Variants in MAP3K13 observed in about 807,000 individuals in gnomAD.
The protein encoded by MAP3K13 is leucine zipper-bearing kinase.
Under a neutral mutation model 104.0 loss-of-function variants are expected in MAP3K13, and 52 were observed. That is an observed-to-expected ratio of 0.50 (90% CI 0.40 to 0.63). The LOEUF (loss-of-function observed/expected upper bound fraction) is 0.63, where lower values mean the gene tolerates loss of function less well. Ranked by LOEUF, MAP3K13 falls within the 20% of genes least tolerant of loss-of-function variation. The probability of loss-of-function intolerance (pLI) is 0.00; values close to 1 mark genes in which losing one functional copy is unlikely to be tolerated. For synonymous variants in MAP3K13, 394 were observed against 442.2 expected, an observed-to-expected ratio of 0.89 and a Z score of 1.37; for missense variants, 914 against 1,218.5, an observed-to-expected ratio of 0.75 and a Z score of 3.72.
At chr3:185,453,688 G>C (rs1007727856) in intron 7 of MAP3K13, among the ~76,000 whole-genome samples, 1 of 150,654 alleles carries the variant, frequency 6.6e-6, no homozygotes, top group South Asian at 2.1e-4. Context: ...AGAATCACTT[G>C]AACCTGGGAG....
In MAP3K13 at chr3:185,447,964, G is replaced by A. The variant is rs375493361; in HGVS notation, c.1010+17G>A. The stretch of plus-strand genomic sequence containing the variant: ...TGATATATGGTGAGTGGCGCCACCA[G>A]TTGTGCCAACTAAAAAGCCTTTTCC... On this transcript the variant is annotated intron_variant, in intron 5 of 13. Transcript: ENST00000265026. The A allele has an allele frequency of 2.5e-6, 4 of 1,595,014 alleles. No homozygotes were observed. In the African/African-American group the frequency reaches 4.0e-5, roughly 16 times the overall value.
At chr3:185,466,081 G>T (rs990905889) in intron 9 of MAP3K13, among the ~76,000 whole-genome samples, 3 of 152,240 alleles carry the variant, frequency 2.0e-5, no homozygotes, top group Non-Finnish European at 4.4e-5. Flanking sequence ...ACATGCACTT[G>T]GCAGTCATTT....
intron 1 of MAP3K13, among the ~76,000 whole-genome samples, chr3:185,425,017 C>A (rs1452117670): frequency 6.6e-6 from 1 of 152,078 alleles, no homozygotes; most frequent in Non-Finnish European, 1.5e-5. Flanking sequence ...TCTGTAATTT[C>A]TGTATTTTTT....
chr3:185,446,958 A>G (rs960604428), intron 4 of MAP3K13, among the ~76,000 whole-genome samples: 8 of 152,170 alleles, frequency 5.3e-5, no homozygotes, highest in Admixed American at 5.2e-4. Flanking sequence ...GAAGCAAGAT[A>G]TTTTCAGAAA....
At position 185,307,550 on chromosome 3, in the gene MAP3K13, C is replaced by T. The variant is rs745777106; in HGVS notation, c.-86+21907C>T. Among the ~76,000 whole-genome samples, 82 of 133,796 alleles carry T rather than the reference C, an allele frequency of 6.1e-4. 3 individuals are homozygous for T. Among genetic ancestry groups the T allele is most frequent in the Non-Finnish European group, 8.4e-4 (53 of 63,378 alleles). 87.8% of individuals were successfully genotyped at this position (133,796 alleles called of 152,430 possible). On this transcript the variant is annotated intron_variant, in intron 2 of 14. Coordinates refer to the MAP3K13 transcript ENST00000424227. ...TTCCATTTGGTGCACCACCCCCTCC[C>T]CCGCCACCCCGAGATGCAGTCTTAC...
intron 3 of MAP3K13, among the ~76,000 whole-genome samples, chr3:185,440,740 C>T (rs1715278362): frequency 6.6e-6 from 1 of 152,114 alleles, no homozygotes; most frequent in Non-Finnish European, 1.5e-5. Context: ...AAGCCATGAC[C>T]TCAAAATTCT....
upstream of MAP3K13, among the ~76,000 whole-genome samples, chr3:185,362,624 T>C (rs1475280963): frequency 6.6e-6 from 1 of 152,228 alleles, no homozygotes; most frequent in East Asian, 1.9e-4. Context: ...ATTGTTCCCA[T>C]GCGTTCTTCC....
At chr3:185,458,948 C>T (rs765519796) in intron 7 of MAP3K13, among the ~76,000 whole-genome samples, 8 of 152,202 alleles carry the variant, frequency 5.3e-5, no homozygotes, top group Non-Finnish European at 1.0e-4. Flanking sequence ...TCCAAATAGG[C>T]AATTACTGTT....
intron 2 of MAP3K13, among the ~76,000 whole-genome samples, chr3:185,350,782 G>C (rs1443467694): frequency 6.6e-6 from 1 of 152,202 alleles, no homozygotes; most frequent in Non-Finnish European, 1.5e-5. Flanking sequence ...ATGTAAATTA[G>C]TTCAACCATT....
chr3:185,316,307 A>G (rs188583067), intron 2 of MAP3K13, among the ~76,000 whole-genome samples: 25 of 152,216 alleles, frequency 1.6e-4, no homozygotes, highest in Non-Finnish European at 3.2e-4. Context: ...CAAATTCTTT[A>G]TGTTAAATAT....
At chr3:185,293,830 C>A (rs528712195) in intron 2 of MAP3K13, among the ~76,000 whole-genome samples, 1 of 152,170 alleles carries the variant, frequency 6.6e-6, no homozygotes, top group African/African-American at 2.4e-5. Context: ...CTACTCGTGA[C>A]AAAGAATTTA....
chr3:185,436,757 C>T (rs1382920929), intron 2 of MAP3K13, among the ~76,000 whole-genome samples: 4 of 151,966 alleles, frequency 2.6e-5, no homozygotes, highest in Non-Finnish European at 5.9e-5. Context: ...AATCCCAACA[C>T]TTTGGGAGGC....
At chr3:185,333,723 A>G (rs1205517314) in intron 2 of MAP3K13, among the ~76,000 whole-genome samples, 1 of 152,118 alleles carries the variant, frequency 6.6e-6, no homozygotes. Flanking sequence ...GCAAGACTTC[A>G]TATCCATTTA....
chr3:185,316,993 AAAAT>A (rs1418465163), intron 2 of MAP3K13, among the ~76,000 whole-genome samples: 1 of 152,216 alleles, frequency 6.6e-6, no homozygotes. Context: ...CCACTGTTAT[AAAAT>A]AGTGTATTGA....
At chr3:185,382,120 A>G (rs1275734657) in intron 1 of MAP3K13, among the ~76,000 whole-genome samples, 1 of 152,234 alleles carries the variant, frequency 6.6e-6, no homozygotes, top group Non-Finnish European at 1.5e-5. Context: ...GAAACTGCAG[A>G]TAGTATCGAA....
At chr3:185,400,910 T>G (rs1395958043) in intron 1 of MAP3K13, among the ~76,000 whole-genome samples, 74 of 148,850 alleles carry the variant, frequency 5.0e-4, no homozygotes, top group South Asian at 2.9e-3. Flanking sequence ...TGTTTGTTTT[T>G]TTTTTTTTTT....
At chr3:185,356,181 A>G (rs1723344639) in intron 2 of MAP3K13, among the ~76,000 whole-genome samples, 2 of 150,492 alleles carry the variant, frequency 1.3e-5, no homozygotes, top group South Asian at 2.1e-4. Context: ...ACCATGTGAG[A>G]GTTAGAAGAC....
intron 2 of MAP3K13, chr3:185,285,760 C>A: frequency 1.3e-6 from 1 of 764,108 alleles, no homozygotes. Flanking sequence ...ATGTTTTAAT[C>A]AGGACCTTCC....
chr3:185,427,067 T>C (rs1365049088), intron 1 of MAP3K13, among the ~76,000 whole-genome samples: 1 of 152,140 alleles, frequency 6.6e-6, no homozygotes, highest in Non-Finnish European at 1.5e-5. Flanking sequence ...AAGAACATAC[T>C]TTGGGCTGGG....
Sources: allele counts gnomAD v4.1 joint callset (sites outside exome capture counted in the v4.1 genomes callset), GRCh38; gene constraint gnomAD v4.1.1; transcripts MANE v1.5; gene names NCBI Gene and HGNC (gene_info 2026-07-23, HGNC 2026-07-21).